The following ZZEF1 variants were observed in gnomAD, a reference collection of about 807,000 sequenced individuals.
ZZEF1 encodes zinc finger ZZ-type and EF-hand domain containing 1, also known as zinc finger ZZ-type and EF-hand domain-containing protein 1.
In ZZEF1, 157 loss-of-function variants were observed where a neutral mutation model predicts 342.8. The observed-to-expected ratio is 0.46, with a 90% CI of 0.40 to 0.52. The LOEUF (loss-of-function observed/expected upper bound fraction) is 0.52, where lower values mean the gene tolerates loss of function less well. Ranked by LOEUF, ZZEF1 falls within the 20% of genes least tolerant of loss-of-function variation. The probability of loss-of-function intolerance (pLI) is 0.00; values close to 1 mark genes in which losing one functional copy is unlikely to be tolerated. For missense variants in ZZEF1, 3,480 were observed against 3,725.6 expected (o/e 0.93, Z 1.72); for synonymous variants, 1,505 against 1,429.1 (o/e 1.05, Z -1.20).
intron 1 of ZZEF1, among the ~76,000 whole-genome samples, chr17:4,125,282 C>T (rs1342912519): frequency 2.0e-5 from 3 of 152,170 alleles, no homozygotes; most frequent in East Asian, 1.9e-4. Flanking sequence ...TTTAAGCCTC[C>T]TTTCCAAGTA....
At position 4,104,672 on chromosome 17, in the gene ZZEF1, A is replaced by G; in HGVS notation, c.1534T>C (p.Ser512Pro). The G allele has an allele frequency of 6.2e-7, 1 of 1,614,114 alleles. No individual in the cohort carries two copies. The highest frequency in any genetic ancestry group is 8.5e-7 in the Non-Finnish European group (1 of 1,180,004). The part of the protein sequence containing the change: ...TQYDASSLIL[S>P]MASVRQNLLL... ...AGGTTCTGTCTGACTGACGCCATGG[A>G]CAAGATGAGGGATGAGGCATCATAC... Residue 512 changes from serine to proline, a missense_variant, in exon 8 of 55, where the codon TCC becomes CCC. This residue lies in a region of ZZEF1 where 1,528 missense variants were observed against 1,624.1 expected (regional missense o/e 0.94). Coordinates refer to ENST00000381638, the MANE Select transcript of ZZEF1 (RefSeq NM_015113.4).
chr17:4,086,342 AGCG>A (rs879532657), intron 15 of ZZEF1, 141 bp downstream of exon 15: 381,448 of 530,210 alleles, frequency 0.72, 142,703 homozygotes, highest in East Asian at 0.74. Flanking sequence ...GGATTCCCAC[AGCG>A]GCAATCCCTT....
Position 4,008,074 on chromosome 17 carries a change from T to G in ZZEF1, c.8805+809A>C, listed in dbSNP as rs1328916868. Among the ~76,000 whole-genome samples the G allele has an allele frequency of 2.0e-5, 3 of 151,806 alleles. No individual in the cohort carries two copies. The East Asian group carries it at 5.9e-4, about 30-fold the overall frequency. ...CTTTTGGGGTCTGCAAGGTTCATTT[T>G]TGACTTTCCTTCTCCTGAGTATATG... On this transcript the variant is annotated intron_variant, in intron 54 of 54. Transcript: ENST00000381638. The surrounding 1 kb of genome is among the most constrained non-coding windows in gnomAD (Gnocchi z 4.2).
chr17:4,069,288 T>TC (rs762507273), intron 26 of ZZEF1, among the ~76,000 whole-genome samples: 5 of 151,734 alleles, frequency 3.3e-5, no homozygotes, highest in Non-Finnish European at 5.9e-5. Flanking sequence ...ATATTGACAT[T>TC]CCCCCCGCCA....
At chr17:4,049,562 G>A in intron 37 of ZZEF1, 146 bp downstream of exon 37, 1 of 886,596 alleles carries the variant, frequency 1.1e-6, no homozygotes, top group Non-Finnish European at 1.7e-6. Context: ...ATAACAACAT[G>A]CCCAAGGTTT....
intron 11 of ZZEF1, among the ~76,000 whole-genome samples, chr17:4,092,921 C>T (rs1203213736): frequency 6.7e-6 from 1 of 148,328 alleles, no homozygotes; most frequent in East Asian, 2.0e-4. Context: ...GACCCTGGAG[C>T]ATGCTGACTG....
At chr17:4,129,132 T>C (rs1422282445) in intron 1 of ZZEF1, among the ~76,000 whole-genome samples, 2 of 152,182 alleles carry the variant, frequency 1.3e-5, no homozygotes, top group Non-Finnish European at 2.9e-5. Flanking sequence ...GTTCCTCCTT[T>C]TAAAGTGTAT....
chr17:4,109,716 G>T lies in ZZEF1; in HGVS notation c.1214C>A (p.Ser405Tyr). Residue 405 changes from serine (S) to tyrosine (Y), a missense_variant, in exon 6 of 55, where the codon TCT becomes TAT. By Grantham distance (144) the Ser-to-Tyr change is moderately radical (BLOSUM62 -2). Transcript: ENST00000381638. The part of the protein sequence containing the change: ...SAIWYWSLLT[S>Y]LVTASMETNP... ...TGTCTCCATAGAAGCCGTCACCAGAGATGTCAGCAGAGACCAATACCATAT... is the reference window on the plus strand; with the variant it reads ...TGTCTCCATAGAAGCCGTCACCAGATATGTCAGCAGAGACCAATACCATAT... The T allele has an allele frequency of 1.9e-6, 3 of 1,614,164 alleles. No homozygotes were observed. The highest frequency in any genetic ancestry group is 2.5e-6 in the Non-Finnish European group (3 of 1,180,032).
chr17:4,069,419 A>G (rs909692836), intron 26 of ZZEF1, among the ~76,000 whole-genome samples: 68 of 152,242 alleles, frequency 4.5e-4, no homozygotes, highest in Admixed American at 4.4e-3. Flanking sequence ...GCAGCTTTTT[A>G]AAGGAGATAT....
chr17:4,102,072 T>C (rs942913060), intron 9 of ZZEF1, among the ~76,000 whole-genome samples: 1 of 152,186 alleles, frequency 6.6e-6, no homozygotes, highest in African/African-American at 2.4e-5. Context: ...CTTTTTATAT[T>C]CCAAGAGAAA....
At chr17:4,024,186 G>GTGTTTTT (rs2056344079) in intron 43 of ZZEF1, among the ~76,000 whole-genome samples, 1 of 94,408 alleles carries the variant, frequency 1.1e-5, no homozygotes, top group Non-Finnish European at 2.1e-5. Context: ...TATTGCCCAG[G>GTGTTTTT]TTTTTTTTTT....
intron 1 of ZZEF1, among the ~76,000 whole-genome samples, chr17:4,140,330 C>G (rs1459240206): frequency 6.6e-6 from 1 of 152,246 alleles, no homozygotes; most frequent in African/African-American, 2.4e-5. Flanking sequence ...GTTACTACCT[C>G]CTGTAACACT....
At chr17:4,111,416 G>C (rs775290592) in intron 5 of ZZEF1, among the ~76,000 whole-genome samples, 1 of 152,058 alleles carries the variant, frequency 6.6e-6, no homozygotes, top group Non-Finnish European at 1.5e-5. Context: ...TCCCAGCACT[G>C]TGGAAGGCCG....
chr17:4,142,493 T>C (rs1259393312), intron 1 of ZZEF1, 49 bp downstream of exon 1: 1 of 1,570,298 alleles, frequency 6.4e-7, no homozygotes, highest in Non-Finnish European at 8.6e-7. Flanking sequence ...TTCAGTCCCC[T>C]GGGGGCGACC....
At chr17:4,109,160 T>C (rs1047173123) in intron 6 of ZZEF1, among the ~76,000 whole-genome samples, 4 of 152,238 alleles carry the variant, frequency 2.6e-5, no homozygotes, top group Non-Finnish European at 5.9e-5. Context: ...AACTGATCCA[T>C]TACTGCAGCC....
chr17:4,133,512 G>A (rs957729503), intron 1 of ZZEF1, among the ~76,000 whole-genome samples: 2 of 152,014 alleles, frequency 1.3e-5, no homozygotes, highest in African/African-American at 2.4e-5. Flanking sequence ...GCTGCTTTCC[G>A]CTCCTTTTGT....
At position 4,114,441 on chromosome 17, in the gene ZZEF1, C is replaced by G. The variant is rs546462540; in HGVS notation, c.724G>C (p.Glu242Gln). The G allele has an allele frequency of 1.3e-4, 200 of 1,595,738 alleles. 2 individuals are homozygous for G. The South Asian group carries it at 1.7e-3, about 13-fold the overall frequency. The part of the protein sequence containing the change: ...ESPGDLTRSP[E>Q]MDKLKSVAKC... ...GCTACTGACTTGAGTTTATCCATCT[C>G]TGGACTTCTAGTTAGATCTCCAGGG... The change falls in exon 4 of 55, where the codon GAG becomes CAG. Residue 242 changes from glutamate to glutamine, a missense_variant. By Grantham distance (29) the Glu-to-Gln change is conservative (BLOSUM62 2). This residue lies in a region of ZZEF1 where 416 missense variants were observed against 374.2 expected (regional missense o/e 1.11). Coordinates refer to ENST00000381638, the MANE Select transcript of ZZEF1 (RefSeq NM_015113.4).
intron 9 of ZZEF1, among the ~76,000 whole-genome samples, chr17:4,097,476 GGAAAAAAAA>G (rs373649269): frequency 0.11 from 12,075 of 114,010 alleles, 721 homozygotes; most frequent in Non-Finnish European, 0.15. Context: ...CTTTGAAATG[GGAAAAAAAA>G]AAAAAAAAAA....
At position 4,142,809 on chromosome 17, in the gene ZZEF1, C is replaced by T. The variant is rs1407886849; in HGVS notation, c.87G>A (p.Ala29=). 4 of 1,402,846 alleles carry T rather than the reference C, an allele frequency of 2.9e-6. No homozygotes were observed. Among genetic ancestry groups the T allele is most frequent in the East Asian group, 3.0e-5 (1 of 33,610 alleles). 86.9% of individuals were successfully genotyped at this position (1,402,846 alleles called of 1,614,324 possible). A position where few individuals can be genotyped will look rare whatever the true frequency, so the allele number is the denominator to read the frequency against. ...EGWGPHQDWA[A]VSGTTPGPGV... ...CCGGGCCGGGGGTCGTGCCCGAGAC[C>T]GCGGCCCAGTCCTGGTGTGGGCCCC... Residue 29 remains alanine (A), a synonymous_variant, in exon 1 of 55, where the codon GCG becomes GCA. Coordinates refer to ENST00000381638, the MANE Select transcript of ZZEF1 (RefSeq NM_015113.4).
Sources: allele counts gnomAD v4.1 joint callset (sites outside exome capture counted in the v4.1 genomes callset), GRCh38; gene constraint gnomAD v4.1.1; regional missense constraint gnomAD v4.1.1; non-coding constraint Gnocchi (gnomAD v3.1); transcripts MANE v1.5; gene names NCBI Gene and HGNC (gene_info 2026-07-23, HGNC 2026-07-21).